Variants in UBR4 observed in about 807,000 individuals in gnomAD.
The protein encoded by UBR4 is ubiquitin protein ligase E3 component n-recognin 4, also known as E3 ubiquitin-protein ligase UBR4.
Under a neutral mutation model 575.6 loss-of-function variants are expected in UBR4, and 124 were observed. The observed-to-expected ratio is 0.22, with a 90% CI of 0.19 to 0.25. UBR4 has a LOEUF of 0.25. Among genes scored for constraint, UBR4 ranks in the 10% least tolerant of loss-of-function variants. The probability of loss-of-function intolerance (pLI) is 1.00; values close to 1 mark genes in which losing one functional copy is unlikely to be tolerated. For synonymous variants in UBR4, 2,455 were observed against 2,473.7 expected (o/e 0.99, Z 0.22); for missense variants, 4,818 against 6,478.8 (o/e 0.74, Z 8.80).
At chr1:19,203,146 A>T (rs1006701363) in intron 1 of UBR4, among the ~76,000 whole-genome samples, 2 of 152,150 alleles carry the variant, frequency 1.3e-5, no homozygotes, top group African/African-American at 2.4e-5. Context: ...TTAAATGGAA[A>T]GAACAACAGT....
intron 14 of UBR4, 99 bp downstream of exon 14, chr1:19,186,441 G>GAAACC: frequency 1.9e-6 from 2 of 1,056,234 alleles, no homozygotes; most frequent in Non-Finnish European, 2.7e-6. Context: ...AAACAAAATG[G>GAAACC]AAACTTTTGT....
Position 19,110,547 on chromosome 1 carries a change from C to A in UBR4, c.11893-83G>T, listed in dbSNP as rs1030299234. On this transcript the variant is annotated intron_variant, in intron 79 of 105. Transcript: ENST00000375254. This position sits in a 1 kb window ranked among gnomAD's most constrained non-coding sequence, Gnocchi z 4.5. ...TTAACTATTAATACAATTTCTGGTC[C>A]TAGGTGGCTCCAACAGAGACAAAGG... 3.3e-5 allele frequency: 48 copies of A among 1,475,136 alleles called. No homozygotes were observed. The highest frequency in any genetic ancestry group is 4.3e-5 in the Non-Finnish European group (46 of 1,065,740). The allele number at this position is 1,475,136 out of a possible 1,614,324, so 91.4% of individuals were successfully genotyped here.
rs1489812456 is a variant in UBR4, at chr1:19,114,884, C to T, written c.11129G>A (p.Arg3710His). ...CNACGFCKYA[R>H]FDFMLYAKPC... is the part of the protein sequence containing the mutation. ...CTTGGCATAGAGCATGAAGTCGAAGCGGGCATATTTACAGAAGCCACAGGC... is the reference window on the plus strand; with the variant it reads ...CTTGGCATAGAGCATGAAGTCGAAGTGGGCATATTTACAGAAGCCACAGGC... The change falls in exon 75 of 106, where the codon CGC (arginine) becomes CAC (histidine). Residue 3710 changes from arginine (R) to histidine (H), a missense_variant. Physicochemically the swap from Arg to His is conservative, Grantham distance 29 (BLOSUM62 0). Transcript: ENST00000375254. 5 of 1,614,068 alleles carry T rather than the reference C, an allele frequency of 3.1e-6. No homozygotes were observed. Among genetic ancestry groups the T allele is most frequent in the Non-Finnish European group, 4.2e-6 (5 of 1,180,054 alleles).
intron 17 of UBR4, among the ~76,000 whole-genome samples, 176 bp downstream of exon 17, chr1:19,183,635 T>G (rs2091234308): frequency 6.6e-6 from 1 of 152,146 alleles, no homozygotes; most frequent in African/African-American, 2.4e-5. Flanking sequence ...GGCAGGAGAA[T>G]CGCTTGAACC....
At chr1:19,167,885 T>TA in intron 28 of UBR4, 142 bp downstream of exon 28, 2 of 906,372 alleles carry the variant, frequency 2.2e-6, no homozygotes, top group Admixed American at 5.7e-5. Context: ...GGTAAGTGCT[T>TA]ATACTTTAAA....
At chr1:19,149,653 G>A in intron 49 of UBR4, 1 of 989,306 alleles carries the variant, frequency 1.0e-6, no homozygotes, top group South Asian at 1.5e-5. Context: ...ACAGAAAGAA[G>A]CAGGAAGACT....
chr1:19,143,917 G>A (rs778024830), intron 55 of UBR4, 63 bp downstream of exon 55: 61 of 1,487,372 alleles, frequency 4.1e-5, no homozygotes, highest in Non-Finnish European at 5.6e-5. Flanking sequence ...CAATGCTACT[G>A]TACCTCCCTC....
In UBR4 at chr1:19,100,550, G is replaced by GAAC; in HGVS notation, c.13044_13046dup (p.Glu4348_Phe4349insLeu). 1 of 1,614,038 alleles carries GAAC rather than the reference G, an allele frequency of 6.2e-7. No individual in the cohort carries two copies. The highest frequency in any genetic ancestry group is 8.5e-7 in the Non-Finnish European group (1 of 1,180,004). On this transcript the variant is annotated inframe_insertion, in exon 89 of 106. Transcript: ENST00000375254. This position sits in a 1 kb window ranked among gnomAD's most constrained non-coding sequence, Gnocchi z 4.2. ...GGGGATCCTTCTCCAGGGTCACAAA[G>GAAC]AACTCAGTGACTTCATTCTCCTCCT...
chr1:19,096,056 C>G (rs910796386), intron 92 of UBR4: 7 of 219,416 alleles, frequency 3.2e-5, no homozygotes, highest in African/African-American at 1.7e-4. Context: ...ACAATAATAA[C>G]AATAATACAT....
At chr1:19,206,561 C>T (rs953261507) in intron 1 of UBR4, among the ~76,000 whole-genome samples, 2 of 152,144 alleles carry the variant, frequency 1.3e-5, no homozygotes, top group Non-Finnish European at 2.9e-5. Context: ...GTCTCAAACT[C>T]CTGACCTCAG....
At chr1:19,195,965 C>T (rs2092421868) in intron 8 of UBR4, among the ~76,000 whole-genome samples, 1 of 130,946 alleles carries the variant, frequency 7.6e-6, no homozygotes, top group African/African-American at 2.9e-5. Context: ...TACAGACTTA[C>T]TTATACACAC....
chr1:19,106,650 C>G lies in UBR4; in HGVS notation c.12312G>C (p.Arg4104Ser). The G allele has an allele frequency of 6.2e-7, 1 of 1,610,018 alleles. No individual in the cohort carries two copies. Residue 4104 changes from arginine (R) to serine (S), a missense_variant, in exon 83 of 106, where the codon AGG (arginine) becomes AGC (serine). By Grantham distance (110) the Arg-to-Ser change is moderately radical (BLOSUM62 -1). Coordinates refer to ENST00000375254, the MANE Select transcript of UBR4 (RefSeq NM_020765.3). The part of the protein sequence containing the change: ...HLYLTEKYVW[R>S]WKQFLSRRGK... ...CCCGACGACTCAGGAACTGTTTCCA[C>G]CTCCACACATACTTCTCAGTCAAAT...
chr1:19,159,190 C>A (rs530524927), intron 39 of UBR4, among the ~76,000 whole-genome samples: 2 of 152,140 alleles, frequency 1.3e-5, no homozygotes, highest in Non-Finnish European at 2.9e-5. Context: ...ATATCTCATT[C>A]GCAATATTTG....
Position 19,157,838 on chromosome 1 carries a change from C to T in UBR4, c.5737G>A (p.Ala1913Thr). The change falls in exon 40 of 106, where the codon GCT becomes ACT. Residue 1913 changes from alanine (A) to threonine (T), a missense_variant. Around this residue, in one of 29 missense-constraint regions of UBR4, gnomAD observed 461 missense variants for 606.9 expected, o/e 0.76. Coordinates refer to ENST00000375254, the MANE Select transcript of UBR4 (RefSeq NM_020765.3). The surrounding 1 kb of genome is among the most constrained non-coding windows in gnomAD (Gnocchi z 4.4). The stretch of plus-strand genomic sequence containing the variant: ...ACCTTGCCCTTCTCATGGCTGACAG[C>T]CAAATGTTGGCGGCGCCCATGGGGA... ...SSPHGRRQHL[A>T]VSHEKGKITV... is the part of the protein sequence containing the mutation. The T allele has an allele frequency of 1.9e-6, 3 of 1,614,166 alleles. 1 individual carries two copies. In the South Asian group the frequency reaches 3.3e-5, roughly 18 times the overall value.
At position 19,156,923 on chromosome 1, in the gene UBR4, G is replaced by A; in HGVS notation, c.5763C>T (p.Ile1921=). The A allele has an allele frequency of 3.1e-6, 5 of 1,613,296 alleles. No individual in the cohort carries two copies. Among genetic ancestry groups the A allele is most frequent in the East Asian group, 2.2e-5 (1 of 44,854 alleles). The change falls in exon 41 of 106, where the codon ATC becomes ATT. Residue 1921 remains isoleucine, a splice_region_variant and synonymous_variant. Transcript: ENST00000375254. The part of the protein sequence containing the change: ...HLAVSHEKGK[I]TVLQLSALLK... ...GGAGTGCAGAGAGCTGCAGAACGGT[G>A]ATCTGCAAAGGAACAATGACTAATT...
chr1:19,124,028 G>C (rs1263953752), intron 65 of UBR4, among the ~76,000 whole-genome samples: 1 of 152,162 alleles, frequency 6.6e-6, no homozygotes, highest in Non-Finnish European at 1.5e-5. Context: ...TGCAGTCCTA[G>C]CAACAGCCCT....
intron 87 of UBR4, 126 bp downstream of exon 87, chr1:19,103,958 T>C: frequency 1.8e-6 from 2 of 1,107,764 alleles, no homozygotes; most frequent in African/African-American, 1.6e-5. Flanking sequence ...GAGTCTCCCT[T>C]TGAATGCAGG....
intron 26 of UBR4, among the ~76,000 whole-genome samples, chr1:19,170,540 A>G (rs2089354905): frequency 6.6e-6 from 1 of 152,246 alleles, no homozygotes; most frequent in Non-Finnish European, 1.5e-5. Context: ...TTGTGGACAA[A>G]TAACTTCTCT....
chr1:19,203,102 C>T (rs757469676), intron 1 of UBR4, among the ~76,000 whole-genome samples: 1 of 151,176 alleles, frequency 6.6e-6, no homozygotes, highest in African/African-American at 2.4e-5. Context: ...AAGAAAGAAA[C>T]ATGAAGGTAA....
Sources: gnomAD v4.1 joint callset for allele counts (sites outside exome capture counted in the v4.1 genomes callset) on GRCh38, gnomAD v4.1.1 for gene constraint, gnomAD v4.1.1 regional missense constraint, Gnocchi (gnomAD v3.1) non-coding constraint, MANE v1.5 for transcripts, NCBI Gene and HGNC (gene_info 2026-07-23, HGNC 2026-07-21) for gene names.